DAB1: variants seen among roughly 807,000 people sequenced by gnomAD.
The protein encoded by DAB1 is disabled homolog 1.
Under a neutral mutation model 64.6 loss-of-function variants are expected in DAB1, and 15 were observed. The observed-to-expected ratio is 0.23, with a 90% CI of 0.16 to 0.36. DAB1 has a LOEUF of 0.36. Ranked by LOEUF, DAB1 falls within the 10% of genes least tolerant of loss-of-function variation. DAB1 has a pLI of 1.00. For synonymous variants in DAB1, 235 were observed against 251.9 expected, an observed-to-expected ratio of 0.93 and a Z score of 0.64; for missense variants, 596 against 706.7, an observed-to-expected ratio of 0.84 and a Z score of 1.78.
At chr1:58,133,370 G>A (rs1653755868) in intron 5 of DAB1, among the ~76,000 whole-genome samples, 1 of 152,164 alleles carries the variant, frequency 6.6e-6, no homozygotes, top group South Asian at 2.1e-4. Flanking sequence ...GGACTCCCTA[G>A]CTAATGCCTC....
intron 5 of DAB1, among the ~76,000 whole-genome samples, chr1:58,138,895 G>A (rs1374317146): frequency 6.6e-6 from 1 of 152,070 alleles, no homozygotes. Context: ...TTGATGAGTG[G>A]GTGAATAGGT....
chr1:58,162,348 C>T (rs1655584298), intron 4 of DAB1, among the ~76,000 whole-genome samples: 1 of 151,980 alleles, frequency 6.6e-6, no homozygotes, highest in African/African-American at 2.4e-5. Flanking sequence ...TCTTTTTTTT[C>T]TCTATTCTTT....
intron 7 of DAB1, among the ~76,000 whole-genome samples, chr1:57,469,086 G>A (rs962899712): frequency 6.6e-6 from 1 of 152,170 alleles, no homozygotes; most frequent in Non-Finnish European, 1.5e-5. Context: ...TTGAAAGTCT[G>A]GTATTTTCTG....
At chr1:57,177,450 T>C (rs1243923797) in intron 2 of DAB1, among the ~76,000 whole-genome samples, 1 of 152,144 alleles carries the variant, frequency 6.6e-6, no homozygotes, top group South Asian at 2.1e-4. Flanking sequence ...GAAAAAAAGA[T>C]GTTTTTCCTC....
chr1:57,012,115 A>T (rs943533477), intron 12 of DAB1, among the ~76,000 whole-genome samples: 10 of 152,196 alleles, frequency 6.6e-5, no homozygotes, highest in African/African-American at 2.4e-4. Flanking sequence ...CACTGAAAAT[A>T]CTGGTTACTG....
chr1:58,279,836 A>T (rs1182400047), intron 4 of DAB1, among the ~76,000 whole-genome samples: 1 of 152,146 alleles, frequency 6.6e-6, no homozygotes, highest in East Asian at 1.9e-4. Flanking sequence ...TTTTCTGAAG[A>T]GATCTAACCT....
intron 4 of DAB1, among the ~76,000 whole-genome samples, chr1:58,185,074 C>G (rs1570459434): frequency 1.3e-5 from 2 of 152,134 alleles, no homozygotes; most frequent in South Asian, 2.1e-4. Flanking sequence ...TTCTGCAAAA[C>G]AAAACAAAAC....
chr1:57,734,687 G>T (rs2101779913), intron 6 of DAB1, among the ~76,000 whole-genome samples: 1 of 152,308 alleles, frequency 6.6e-6, no homozygotes, highest in East Asian at 1.9e-4. Context: ...TCACTAGGCA[G>T]GGAAGTGAGG....
intron 5 of DAB1, among the ~76,000 whole-genome samples, chr1:57,928,538 G>T (rs912287994): frequency 6.6e-6 from 1 of 152,188 alleles, no homozygotes; most frequent in African/African-American, 2.4e-5. Context: ...ATAAGGACTT[G>T]TATCTACCAG....
chr1:57,517,617 A>C (rs955434028), intron 7 of DAB1, among the ~76,000 whole-genome samples: 3 of 152,214 alleles, frequency 2.0e-5, no homozygotes, highest in African/African-American at 7.2e-5. Context: ...TTATCTGAGC[A>C]AATAAGCTTT....
At chr1:58,249,534 G>C (rs1660702444) in intron 4 of DAB1, among the ~76,000 whole-genome samples, 1 of 152,006 alleles carries the variant, frequency 6.6e-6, no homozygotes, top group Non-Finnish European at 1.5e-5. Context: ...ACAGTCTTTG[G>C]GTAAGACCCC....
chr1:57,598,741 T>C (rs1645541282), intron 7 of DAB1, among the ~76,000 whole-genome samples: 1 of 152,146 alleles, frequency 6.6e-6, no homozygotes. Context: ...ACAGTCTTAT[T>C]TCTGTCACCC....
intron 4 of DAB1, among the ~76,000 whole-genome samples, chr1:58,317,975 C>T (rs921402768): frequency 6.6e-6 from 1 of 152,192 alleles, no homozygotes; most frequent in Non-Finnish European, 1.5e-5. Flanking sequence ...ATGAGCAGCA[C>T]AATGCCTGGC....
At chr1:58,257,895 G>A (rs956146018) in intron 4 of DAB1, among the ~76,000 whole-genome samples, 1 of 152,206 alleles carries the variant, frequency 6.6e-6, no homozygotes, top group Non-Finnish European at 1.5e-5. Context: ...CGAGTGACAG[G>A]ACCTGGGCCC....
intron 4 of DAB1, among the ~76,000 whole-genome samples, chr1:58,151,508 G>C (rs1056047926): frequency 3.3e-5 from 5 of 152,152 alleles, no homozygotes; most frequent in African/African-American, 9.7e-5. Flanking sequence ...AAGTGGATAA[G>C]ACCATAGTTT....
chr1:57,452,163 C>CG (rs1432054998), intron 7 of DAB1, among the ~76,000 whole-genome samples: 1 of 100,080 alleles, frequency 1.0e-5, no homozygotes, highest in Non-Finnish European at 2.0e-5. Context: ...CTCTGCACCC[C>CG]CCCTTTTTTT....
chr1:57,596,651 C>T (rs1645513701), intron 7 of DAB1, among the ~76,000 whole-genome samples: 1 of 151,730 alleles, frequency 6.6e-6, no homozygotes, highest in Non-Finnish European at 1.5e-5. Flanking sequence ...TCACCTAGAG[C>T]AAGAATTGAA....
rs114163500 is a variant in DAB1 at position 58,340,165 on chromosome 1, C to T, written n.309+3187G>A. ...TTTCTATACAGACTTTTTATTTTAC[C>T]CATTTGTCAGAGAATATTAACAGAA... On this transcript the variant is annotated intron_variant and non_coding_transcript_variant, in intron 4 of 20. Coordinates refer to the DAB1 transcript ENST00000485760. 3.0e-3 allele frequency among the ~76,000 whole-genome samples: 458 copies of T among 152,140 alleles called. 3 individuals carry two copies. The highest frequency in any genetic ancestry group is 0.011 in the African/African-American group (446 of 41,516).
At chr1:57,861,419 G>A (rs1426304341) in intron 1 of DAB1, among the ~76,000 whole-genome samples, 1 of 152,152 alleles carries the variant, frequency 6.6e-6, no homozygotes, top group African/African-American at 2.4e-5. Context: ...TCTTACAAGG[G>A]TGCTAATCCC....
Sources: allele counts gnomAD v4.1 joint callset (sites outside exome capture counted in the v4.1 genomes callset), GRCh38; gene constraint gnomAD v4.1.1; transcripts MANE v1.5; gene names NCBI Gene and HGNC (gene_info 2026-07-23, HGNC 2026-07-21).